The following N4BP2L2 variants were observed in gnomAD, a reference collection of about 807,000 sequenced individuals.
N4BP2L2 encodes NEDD4 binding protein 2 like 2.
A neutral mutation model predicts 56.2 loss-of-function variants in N4BP2L2; 50 were observed. The ratio of observed to expected loss-of-function variants is 0.89; its 90% CI spans 0.71 to 1.13. The LOEUF is 1.13. Ranked by LOEUF, N4BP2L2 falls within the 50% of genes most tolerant of loss-of-function variation. The pLI, the probability that N4BP2L2 is intolerant of heterozygous loss-of-function variation, is 0.00. For missense variants in N4BP2L2, 689 were observed against 693.8 expected (o/e 0.99, Z 0.08); for synonymous variants, 203 against 223.6 (o/e 0.91, Z 0.82).
chr13:32,454,361 G>C (rs1051254755), intron 6 of N4BP2L2, among the ~76,000 whole-genome samples: 1 of 152,096 alleles, frequency 6.6e-6, no homozygotes, highest in Admixed American at 6.5e-5. Flanking sequence ...TACAAAATTA[G>C]TGCAGAAAAG....
chr13:32,497,276 T>C (rs2088918196), intron 6 of N4BP2L2, among the ~76,000 whole-genome samples: 1 of 152,184 alleles, frequency 6.6e-6, no homozygotes, highest in Non-Finnish European at 1.5e-5. Flanking sequence ...CAAAGAACTC[T>C]GGCTCTTAAA....
chr13:32,450,848 C>A, intron 6 of N4BP2L2, among the ~76,000 whole-genome samples: 1 of 114,992 alleles, frequency 8.7e-6, no homozygotes, highest in Admixed American at 9.4e-5. Context: ...TTCCTTCCCT[C>A]CCTCCCTCCC....
intron 3 of N4BP2L2, chr13:32,523,459 G>A (rs1015538012): frequency 6.6e-6 from 1 of 150,824 alleles, no homozygotes; most frequent in Admixed American, 6.6e-5. Context: ...GGCCAAGGCA[G>A]GTGGATCACA....
At chr13:32,488,222 G>A (rs944733739) in intron 6 of N4BP2L2, among the ~76,000 whole-genome samples, 1 of 152,192 alleles carries the variant, frequency 6.6e-6, no homozygotes, top group Non-Finnish European at 1.5e-5. Flanking sequence ...GGAATACTAG[G>A]CAGCCATAAA....
chr13:32,526,961 T>C (rs1456342427), intron 3 of N4BP2L2: 3 of 151,994 alleles, frequency 2.0e-5, no homozygotes, highest in Non-Finnish European at 4.4e-5. Context: ...GTAGGTTTCT[T>C]GTAGAGCAAT....
chr13:32,453,264 GAA>G (rs1184110478), intron 6 of N4BP2L2, among the ~76,000 whole-genome samples: 3 of 152,080 alleles, frequency 2.0e-5, no homozygotes, highest in Admixed American at 1.3e-4. Flanking sequence ...TTCAAAAAAA[GAA>G]AAGTCAACTA....
At chr13:32,454,946 A>G (rs1026138229) in intron 6 of N4BP2L2, among the ~76,000 whole-genome samples, 1 of 152,210 alleles carries the variant, frequency 6.6e-6, no homozygotes, top group Non-Finnish European at 1.5e-5. Context: ...AGAAAGGGTC[A>G]ATGACCACAG....
At chr13:32,476,184 C>T (rs1480492962) in intron 6 of N4BP2L2, among the ~76,000 whole-genome samples, 4 of 152,152 alleles carry the variant, frequency 2.6e-5, no homozygotes. Context: ...GTCAGCTGAC[C>T]TCAGCCGCCT....
At chr13:32,534,844 T>A (rs1234633087) in intron 2 of N4BP2L2, among the ~76,000 whole-genome samples, 1 of 152,222 alleles carries the variant, frequency 6.6e-6, no homozygotes, top group Non-Finnish European at 1.5e-5. Context: ...AATCATCTTA[T>A]ATAAACTCAA....
At chr13:32,484,022 C>T (rs186955671) in intron 6 of N4BP2L2, among the ~76,000 whole-genome samples, 36 of 150,776 alleles carry the variant, frequency 2.4e-4, no homozygotes, top group African/African-American at 8.0e-4. Flanking sequence ...AAAAACCAGT[C>T]GGGGCCAGGC....
exon 2 of N4BP2L2, chr13:32,536,129 G>A (rs2056492339): frequency 6.2e-7 from 1 of 1,614,068 alleles, no homozygotes; most frequent in East Asian, 2.2e-5. Flanking sequence ...ATTTGATGGT[G>A]GATTTGGTGG....
chr13:32,527,634 G>A, intron 2 of N4BP2L2, 102 bp from the exon 3 acceptor site: 1 of 1,341,900 alleles, frequency 7.5e-7, no homozygotes, highest in South Asian at 1.3e-5. Context: ...AATCACACAG[G>A]AAAGGTTATT....
At chr13:32,532,111 A>C (rs1384757520) in intron 2 of N4BP2L2, among the ~76,000 whole-genome samples, 1 of 152,186 alleles carries the variant, frequency 6.6e-6, no homozygotes, top group Non-Finnish European at 1.5e-5. Context: ...CAAGATCCTT[A>C]ATCAAATTTG....
chr13:32,477,275 C>G (rs1445083472), intron 6 of N4BP2L2: 1 of 256,512 alleles, frequency 3.9e-6, no homozygotes, highest in Non-Finnish European at 7.7e-6. Context: ...ACATCAATGA[C>G]CCCCTTAAGA....
chr13:32,484,227 T>A (rs2085390884), intron 6 of N4BP2L2, among the ~76,000 whole-genome samples: 1 of 151,844 alleles, frequency 6.6e-6, no homozygotes, highest in Non-Finnish European at 1.5e-5. Context: ...GAGGGTGAAC[T>A]GAGGTGGGAG....
chr13:32,498,360 CATTT>C (rs1181653233), intron 6 of N4BP2L2, among the ~76,000 whole-genome samples: 2 of 151,586 alleles, frequency 1.3e-5, no homozygotes, highest in African/African-American at 4.8e-5. Context: ...TTCACTCATT[CATTT>C]AAGACAGAAT....
rs559191323 is a variant in N4BP2L2 at position 32,471,459 on chromosome 13, A to G, written c.366-27333T>C. ...GGGCTCGGAGCCAGTATTGTTTGAG[A>G]AAGGTATAACTGCCCTGCTGTCACC... On this transcript the variant is annotated intron_variant, in intron 6 of 9. Coordinates refer to the N4BP2L2 transcript ENST00000357505. 1.1e-4 allele frequency among the ~76,000 whole-genome samples: 17 copies of G among 152,334 alleles called. No homozygotes were observed. The East Asian group carries it at 3.3e-3, about 29-fold the overall frequency.
At chr13:32,527,581 A>G in intron 2 of N4BP2L2, 49 bp from the exon 3 acceptor site, 3 of 1,555,564 alleles carry the variant, frequency 1.9e-6, no homozygotes, top group Non-Finnish European at 2.6e-6. Flanking sequence ...ATCTATAACC[A>G]TCAGAAATAA....
At chr13:32,479,929 G>A (rs1261210997) in intron 6 of N4BP2L2, among the ~76,000 whole-genome samples, 1 of 151,670 alleles carries the variant, frequency 6.6e-6, no homozygotes, top group Non-Finnish European at 1.5e-5. Flanking sequence ...AGAGAGAGGA[G>A]AAAATAAGAC....
Sources: allele counts gnomAD v4.1 joint callset (sites outside exome capture counted in the v4.1 genomes callset), GRCh38; gene constraint gnomAD v4.1.1; transcripts MANE v1.5; gene names NCBI Gene and HGNC (gene_info 2026-07-23, HGNC 2026-07-21).